TMEM132E: variants seen among roughly 807,000 people sequenced by gnomAD.
TMEM132E encodes the protein transmembrane protein 132E.
Under a neutral mutation model 78.5 loss-of-function variants are expected in TMEM132E, and 49 were observed. That is an observed-to-expected ratio of 0.62 (90% CI 0.50 to 0.79). The LOEUF (loss-of-function observed/expected upper bound fraction) is 0.79, where lower values mean the gene tolerates loss of function less well. Ranked by LOEUF, TMEM132E falls within the 30% of genes least tolerant of loss-of-function variation. TMEM132E has a pLI of 0.00. For missense variants in TMEM132E, 1,403 were observed against 1,470.9 expected, an observed-to-expected ratio of 0.95 and a Z score of 0.75; for synonymous variants, 715 against 670.6, an observed-to-expected ratio of 1.07 and a Z score of -1.02.
At chr17:34,623,766 T>C (rs555211069) in intron 1 of TMEM132E, among the ~76,000 whole-genome samples, 1 of 152,228 alleles carries the variant, frequency 6.6e-6, no homozygotes, top group Non-Finnish European at 1.5e-5. Context: ...TTGGTTCGCC[T>C]GCTTGCTGCT....
At chr17:34,610,816 G>A (rs1485641945) in intron 1 of TMEM132E, among the ~76,000 whole-genome samples, 2 of 152,208 alleles carry the variant, frequency 1.3e-5, no homozygotes, top group African/African-American at 2.4e-5. Flanking sequence ...TTTGACTGAG[G>A]GGTGGAATAT....
chr17:34,599,450 T>C (rs1352781159), intron 1 of TMEM132E, among the ~76,000 whole-genome samples: 1 of 152,160 alleles, frequency 6.6e-6, no homozygotes, highest in African/African-American at 2.4e-5. Flanking sequence ...ACCAACCTCA[T>C]TGATGACACT....
intron 1 of TMEM132E, among the ~76,000 whole-genome samples, chr17:34,612,590 A>G (rs1906628569): frequency 6.6e-6 from 1 of 152,192 alleles, no homozygotes; most frequent in Non-Finnish European, 1.5e-5. Context: ...AATATGGTCC[A>G]AGTCTCAGGA....
At chr17:34,621,520 C>T (rs894649811) in intron 1 of TMEM132E, among the ~76,000 whole-genome samples, 1 of 152,164 alleles carries the variant, frequency 6.6e-6, no homozygotes, top group Admixed American at 6.5e-5. Flanking sequence ...ATCTCAAGGG[C>T]AGGGCACAGT....
rs932319012 is a variant in TMEM132E, at chr17:34,628,685, C to A, written c.1121C>A (p.Ala374Asp). ...HSTATVDVAW[A>D]QSTPLPPREG... ...ACAGCCACCGTGGATGTGGCCTGGG[C>A]TCAGAGCACACCCCTGCCCCCCAGG... Residue 374 changes from alanine (A) to aspartate (D), a missense_variant, in exon 3 of 9, where the codon GCT (alanine) becomes GAT (aspartate). Coordinates refer to ENST00000631683, the MANE Select transcript of TMEM132E (RefSeq NM_001304438.2). 6.2e-7 allele frequency: 1 copy of A among 1,609,780 alleles called. No homozygotes were observed. The highest frequency in any genetic ancestry group is 8.5e-7 in the Non-Finnish European group (1 of 1,177,866).
intron 1 of TMEM132E, among the ~76,000 whole-genome samples, chr17:34,609,046 C>T (rs187816798): frequency 6.6e-5 from 10 of 152,296 alleles, no homozygotes; most frequent in African/African-American, 2.2e-4. Context: ...TTTTAACCAG[C>T]CTGGCTCTAC....
chr17:34,635,376 G>A (rs940745656), intron 7 of TMEM132E, among the ~76,000 whole-genome samples: 1 of 152,170 alleles, frequency 6.6e-6, no homozygotes, highest in African/African-American at 2.4e-5. Context: ...GTCCAGGAAG[G>A]TGCATTTGGT....
intron 1 of TMEM132E, among the ~76,000 whole-genome samples, chr17:34,587,218 C>A (rs920180280): frequency 1.3e-5 from 2 of 152,154 alleles, no homozygotes; most frequent in African/African-American, 4.8e-5. Context: ...GGCCCTGGCC[C>A]TGAGAGAACA....
intron 1 of TMEM132E, among the ~76,000 whole-genome samples, chr17:34,590,909 G>A (rs145678672): frequency 6.6e-6 from 1 of 152,268 alleles, no homozygotes; most frequent in African/African-American, 2.4e-5. Flanking sequence ...TCTGATCTGG[G>A]AGTGGGGGCC....
chr17:34,589,425 AG>A (rs1442546781), intron 1 of TMEM132E, among the ~76,000 whole-genome samples: 3 of 152,212 alleles, frequency 2.0e-5, no homozygotes, highest in Admixed American at 6.5e-5. Context: ...TCATCTGCCC[AG>A]GGCATATGGG....
intron 2 of TMEM132E, among the ~76,000 whole-genome samples, chr17:34,627,481 T>TGCGCGCACGCGCGCGCGCGCGCGC (rs1567720046): frequency 6.9e-6 from 1 of 145,466 alleles, no homozygotes; most frequent in African/African-American, 2.8e-5. Flanking sequence ...TGTGTGTGTG[T>TGCGCGCACGCGCGCGCGCGCGCGC]GTGTGTGTGT....
At chr17:34,633,083 G>A (rs1907405639) in intron 6 of TMEM132E, among the ~76,000 whole-genome samples, 174 bp downstream of exon 6, 1 of 152,242 alleles carries the variant, frequency 6.6e-6, no homozygotes, top group South Asian at 2.1e-4. Context: ...ACTGGCAAGT[G>A]TTTGAGAGAT....
chr17:34,628,733 C>T, intron 3 of TMEM132E, 24 bp downstream of exon 3: 1 of 1,557,514 alleles, frequency 6.4e-7, no homozygotes, highest in Non-Finnish European at 8.7e-7. Context: ...GGTGCATCTA[C>T]CCACCTCTTC....
At chr17:34,588,328 C>G (rs1905750159) in intron 1 of TMEM132E, among the ~76,000 whole-genome samples, 1 of 152,204 alleles carries the variant, frequency 6.6e-6, no homozygotes. Flanking sequence ...TCTGCATTGC[C>G]TGGCTTCCTG....
At chr17:34,635,769 C>A (rs973473527) in intron 7 of TMEM132E, 6 of 389,628 alleles carry the variant, frequency 1.5e-5, no homozygotes, top group Non-Finnish European at 2.3e-5. Context: ...TTAGAATTGG[C>A]CCACCTCTCT....
intron 1 of TMEM132E, among the ~76,000 whole-genome samples, chr17:34,606,563 C>A (rs1285010626): frequency 2.6e-5 from 4 of 152,164 alleles, no homozygotes; most frequent in African/African-American, 9.7e-5. Context: ...ATTTGTTCTG[C>A]CCCACAGCTC....
In TMEM132E at chr17:34,637,914, C is replaced by T. The variant is rs1352180748; in HGVS notation, c.2907C>T (p.His969=). ...ETVPAFCHGD[H]HSSGSSQTSV... ...TGCCCGCCTTCTGCCACGGCGACCA[C>T]CACAGCAGCGGCAGCTCGCAGACCA... is the stretch of plus-strand genomic sequence containing the variant. The change falls in exon 9 of 9, where the codon CAC becomes CAT. Residue 969 remains histidine, a synonymous_variant. Transcript: ENST00000631683. 6.2e-7 allele frequency: 1 copy of T among 1,606,402 alleles called. No individual in the cohort carries two copies. Among genetic ancestry groups the T allele is most frequent in the Admixed American group, 1.7e-5 (1 of 59,890 alleles).
intron 5 of TMEM132E, among the ~76,000 whole-genome samples, chr17:34,630,819 G>A (rs1049386436): frequency 6.6e-6 from 1 of 152,002 alleles, no homozygotes; most frequent in Non-Finnish European, 1.5e-5. Context: ...GACCTGCTTT[G>A]GCCCCAGGTC....
Position 34,637,991 on chromosome 17 carries a change from C to G in TMEM132E, c.2984C>G (p.Ala995Gly). Reference sequence around the variant, plus strand: ...GGCGACGGCTCCTCGGGCGGCTCAGCCCGAGACCAAGCCGAGGACCCCGCC... The same window carrying G: ...GGCGACGGCTCCTCGGGCGGCTCAGGCCGAGACCAAGCCGAGGACCCCGCC... The part of the protein sequence containing the change: ...GRGDGSSGGS[A>G]RDQAEDPASS... Residue 995 changes from alanine (A) to glycine (G), a missense_variant, in exon 9 of 9, where the codon GCC becomes GGC. This residue lies in a region of TMEM132E where 888 missense variants were observed against 952.8 expected (regional missense o/e 0.93). Coordinates refer to ENST00000631683, the MANE Select transcript of TMEM132E (RefSeq NM_001304438.2). 1 of 1,587,566 alleles carries G rather than the reference C, an allele frequency of 6.3e-7. No homozygotes were observed. The highest frequency in any genetic ancestry group is 1.1e-5 in the South Asian group (1 of 88,480).
Sources: gnomAD v4.1 joint callset for allele counts (sites outside exome capture counted in the v4.1 genomes callset) on GRCh38, gnomAD v4.1.1 for gene constraint, gnomAD v4.1.1 regional missense constraint, MANE v1.5 for transcripts, NCBI Gene and HGNC (gene_info 2026-07-23, HGNC 2026-07-21) for gene names.